Variants in ANKFN1 observed in about 807,000 individuals in gnomAD.
ANKFN1 encodes ankyrin repeat and fibronectin type-III domain-containing protein 1.
In ANKFN1, 74 loss-of-function variants were observed where a neutral mutation model predicts 108.7. The observed-to-expected ratio is 0.68, with a 90% CI of 0.56 to 0.83. The LOEUF is 0.83. Ranked by LOEUF, ANKFN1 falls within the 40% of genes least tolerant of loss-of-function variation. The probability of loss-of-function intolerance (pLI) is 0.00; values close to 1 mark genes in which losing one functional copy is unlikely to be tolerated. For missense variants in ANKFN1, 1,505 were observed against 1,382.3 expected, an observed-to-expected ratio of 1.09 and a Z score of -1.41; for synonymous variants, 547 against 516.2, an observed-to-expected ratio of 1.06 and a Z score of -0.81.
At chr17:56,104,664 A>T (rs1382223548) in intron 4 of ANKFN1, among the ~76,000 whole-genome samples, 2 of 152,188 alleles carry the variant, frequency 1.3e-5, no homozygotes, top group African/African-American at 4.8e-5. Flanking sequence ...GATTTGCATG[A>T]CAAATACAAG....
At chr17:56,149,122 C>G (rs1908441860), upstream of ANKFN1, among the ~76,000 whole-genome samples, 1 of 152,110 alleles carries the variant, frequency 6.6e-6, no homozygotes, top group Non-Finnish European at 1.5e-5. Context: ...TACATGGAGG[C>G]AGTGGCGGGG....
chr17:56,072,969 T>C (rs1234185036), intron 4 of ANKFN1, among the ~76,000 whole-genome samples: 1 of 152,062 alleles, frequency 6.6e-6, no homozygotes, highest in African/African-American at 2.4e-5. Context: ...TCTAACTGTC[T>C]GCTGAGATAA....
At chr17:56,434,618 A>G (rs979590839) in intron 8 of ANKFN1, among the ~76,000 whole-genome samples, 1 of 152,196 alleles carries the variant, frequency 6.6e-6, no homozygotes, top group African/African-American at 2.4e-5. Flanking sequence ...CTCCGACCTC[A>G]TATTTTGCCA....
intron 4 of ANKFN1, among the ~76,000 whole-genome samples, chr17:56,065,980 G>C (rs1905053232): frequency 6.6e-6 from 1 of 152,194 alleles, no homozygotes. Context: ...ATAAAGTGAA[G>C]CAACAAAATT....
chr17:56,355,707 G>A (rs1419808522), intron 6 of ANKFN1, among the ~76,000 whole-genome samples: 1 of 152,176 alleles, frequency 6.6e-6, no homozygotes, highest in East Asian at 1.9e-4. Flanking sequence ...AGTGGTGCAG[G>A]AGACAGACTG....
chr17:56,340,274 GT>G (rs2045926729), intron 4 of ANKFN1, among the ~76,000 whole-genome samples: 1 of 152,208 alleles, frequency 6.6e-6, no homozygotes, highest in Non-Finnish European at 1.5e-5. Context: ...TGTGTTGATA[GT>G]TTCTTTTGCT....
At chr17:56,050,318 G>A (rs1252004919) in intron 4 of ANKFN1, among the ~76,000 whole-genome samples, 10 of 149,530 alleles carry the variant, frequency 6.7e-5, no homozygotes, top group African/African-American at 1.7e-4. Context: ...GTAGGTTGCG[G>A]AAATTTTCTC....
At chr17:56,432,377 C>T (rs982748699) in intron 8 of ANKFN1, among the ~76,000 whole-genome samples, 3 of 152,080 alleles carry the variant, frequency 2.0e-5, no homozygotes, top group Non-Finnish European at 4.4e-5. Flanking sequence ...TCACAAGGTC[C>T]AGACAACATG....
intron 4 of ANKFN1, among the ~76,000 whole-genome samples, chr17:56,098,113 G>A (rs1598094494): frequency 2.6e-5 from 4 of 152,190 alleles, no homozygotes; most frequent in Admixed American, 2.0e-4. Flanking sequence ...GGCAGAGGTG[G>A]GAGTGATGCA....
At chr17:56,301,304 C>T (rs552202160) in intron 3 of ANKFN1, among the ~76,000 whole-genome samples, 1 of 152,328 alleles carries the variant, frequency 6.6e-6, no homozygotes, top group Non-Finnish European at 1.5e-5. Context: ...TCCTTCCTGG[C>T]AACATGCTCA....
At chr17:56,451,184 A>C (rs1397003770) in intron 11 of ANKFN1, among the ~76,000 whole-genome samples, 1 of 152,186 alleles carries the variant, frequency 6.6e-6, no homozygotes, top group Non-Finnish European at 1.5e-5. Context: ...GAAATTTAAA[A>C]TATACTTTAG....
At chr17:56,231,716 G>T (rs751590688) in intron 3 of ANKFN1, among the ~76,000 whole-genome samples, 1 of 152,106 alleles carries the variant, frequency 6.6e-6, no homozygotes, top group East Asian at 1.9e-4. Context: ...CTTCTAAAAG[G>T]ACAATAAAGG....
At chr17:56,094,451 G>A (rs1345393636) in intron 4 of ANKFN1, among the ~76,000 whole-genome samples, 5 of 136,044 alleles carry the variant, frequency 3.7e-5, no homozygotes, top group Non-Finnish European at 6.1e-5. Flanking sequence ...CTTAAATACT[G>A]TCTCAGTTCT....
At chr17:56,385,587 T>A (rs1396409175) in intron 8 of ANKFN1, among the ~76,000 whole-genome samples, 1 of 152,164 alleles carries the variant, frequency 6.6e-6, no homozygotes, top group African/African-American at 2.4e-5. Flanking sequence ...AATGGGCTAA[T>A]ATCCAGAATC....
intron 4 of ANKFN1, among the ~76,000 whole-genome samples, chr17:56,340,232 A>T (rs184069701): frequency 1.6e-4 from 25 of 152,184 alleles, no homozygotes; most frequent in Admixed American, 1.4e-3. Flanking sequence ...GTTTGCAAAA[A>T]ATTTCTCTTT....
At chr17:56,172,884 C>A (rs1360805281) in intron 1 of ANKFN1, among the ~76,000 whole-genome samples, 2 of 152,120 alleles carry the variant, frequency 1.3e-5, no homozygotes, top group Non-Finnish European at 2.9e-5. Flanking sequence ...CACACTGATC[C>A]CTCCCTGGAG....
At position 56,333,479 on chromosome 17, in the gene ANKFN1, G is replaced by A. The variant is rs1167620747; in HGVS notation, c.188+7124G>A. Among the ~76,000 whole-genome samples, 8 of 151,974 alleles carry A rather than the reference G, an allele frequency of 5.3e-5. No individual in the cohort carries two copies. The East Asian group carries it at 1.5e-3, about 29-fold the overall frequency. ...TATTAAATTACATTGACATTAATGG[G>A]TAGATAAATGTTATACTAACCTTGC... On this transcript the variant is annotated intron_variant, in intron 4 of 20. Coordinates refer to ENST00000682825, the MANE Select transcript of ANKFN1 (RefSeq NM_001370326.1).
At chr17:56,435,214 T>G (rs980404872) in intron 8 of ANKFN1, among the ~76,000 whole-genome samples, 5 of 152,116 alleles carry the variant, frequency 3.3e-5, no homozygotes, top group African/African-American at 1.2e-4. Context: ...CTTCAAGCAT[T>G]CCAAAGTCAA....
chr17:56,336,261 T>C (rs2045807590), intron 4 of ANKFN1, among the ~76,000 whole-genome samples: 1 of 152,192 alleles, frequency 6.6e-6, no homozygotes, highest in African/African-American at 2.4e-5. Context: ...TTCCCTCTTT[T>C]TCTATTGATT....
Sources: allele counts gnomAD v4.1 joint callset (sites outside exome capture counted in the v4.1 genomes callset), GRCh38; gene constraint gnomAD v4.1.1; transcripts MANE v1.5; gene names NCBI Gene and HGNC (gene_info 2026-07-23, HGNC 2026-07-21).